Variants in USH2A observed in about 807,000 individuals in gnomAD.
USH2A encodes the protein Usher syndrome 2A (autosomal recessive, mild).
USH2A carries 443 observed loss-of-function variants against 538.9 expected under a neutral mutation model. The observed-to-expected ratio is 0.82, with a 90% CI of 0.76 to 0.89. USH2A has a LOEUF of 0.89. Among genes scored for constraint, USH2A ranks in the 40% least tolerant of loss-of-function variants. The pLI, the probability that USH2A is intolerant of heterozygous loss-of-function variation, is 0.00. For missense variants in USH2A, 6,633 were observed against 6,324.8 expected (o/e 1.05, Z -1.65); for synonymous variants, 2,413 against 2,273.5 (o/e 1.06, Z -1.75).
intron 11 of USH2A, among the ~76,000 whole-genome samples, chr1:216,283,011 G>A (rs746675083): frequency 1.9e-4 from 29 of 152,086 alleles, no homozygotes; most frequent in Non-Finnish European, 3.2e-4. Flanking sequence ...AGATTGTTCA[G>A]TGCAAATATA....
chr1:216,312,705 C>T (rs770955373), intron 9 of USH2A, among the ~76,000 whole-genome samples: 43 of 152,106 alleles, frequency 2.8e-4, no homozygotes, highest in Admixed American at 5.2e-4. Flanking sequence ...CTACTTTTTC[C>T]ATTAGAGCCT....
At chr1:215,790,399 A>G (rs1241181091) in intron 50 of USH2A, 117 bp from the exon 51 acceptor site, 8 of 1,076,874 alleles carry the variant, frequency 7.4e-6, no homozygotes. Flanking sequence ...ATGGTGCAAT[A>G]CCTAAGGTAG....
chr1:215,759,614 T>G, intron 57 of USH2A, 46 bp downstream of exon 57: 1 of 1,610,082 alleles, frequency 6.2e-7, no homozygotes, highest in Non-Finnish European at 8.5e-7. Flanking sequence ...CCCAGAGAAA[T>G]GTACAAATCC....
intron 2 of USH2A, 67 bp from the exon 3 acceptor site, chr1:216,418,746 T>C: frequency 6.3e-7 from 1 of 1,580,922 alleles, no homozygotes; most frequent in Non-Finnish European, 8.7e-7. Flanking sequence ...TAAGGTATTG[T>C]GCAGTTACAG....
At chr1:215,862,572 A>T (rs1158464398) in intron 44 of USH2A, among the ~76,000 whole-genome samples, 7 of 152,170 alleles carry the variant, frequency 4.6e-5, no homozygotes, top group Non-Finnish European at 1.5e-5. Context: ...ATAATAATAA[A>T]AAAAATGCTT....
chr1:215,948,724 C>T (rs534675705), intron 37 of USH2A, among the ~76,000 whole-genome samples: 128 of 151,966 alleles, frequency 8.4e-4, no homozygotes, highest in African/African-American at 1.5e-3. Context: ...TTCCTGTGCA[C>T]CTATCTAATT....
intron 41 of USH2A, among the ~76,000 whole-genome samples, chr1:215,885,025 CT>C (rs1310935373): frequency 1.3e-5 from 2 of 149,208 alleles, no homozygotes; most frequent in East Asian, 2.0e-4. Flanking sequence ...TTTTTTTTTT[CT>C]TTTTTTTGGT....
At chr1:215,754,762 C>T (rs559979818) in intron 58 of USH2A, among the ~76,000 whole-genome samples, 1 of 152,292 alleles carries the variant, frequency 6.6e-6, no homozygotes, top group East Asian at 1.9e-4. Flanking sequence ...GTTGGATAAG[C>T]TTGCTTTAGA....
intron 4 of USH2A, among the ~76,000 whole-genome samples, chr1:216,357,445 A>G (rs2102699148): frequency 6.6e-6 from 1 of 152,236 alleles, no homozygotes; most frequent in African/African-American, 2.4e-5. Context: ...AGAAATGTGA[A>G]CCCATGGGAA....
rs1024719624 is a variant in USH2A at position 215,901,091 on chromosome 1, A to G, written c.7301-186T>C. 14 of 727,846 alleles carry G rather than the reference A, an allele frequency of 1.9e-5. No individual in the cohort carries two copies. The East Asian group carries it at 3.3e-4, about 17-fold the overall frequency. 45.1% of individuals were successfully genotyped at this position (727,846 alleles called of 1,614,324 possible). On this transcript the variant is annotated intron_variant, in intron 38 of 71. Coordinates refer to ENST00000307340, the MANE Select transcript of USH2A (RefSeq NM_206933.4). The stretch of plus-strand genomic sequence containing the variant: ...ACTTCCTTATTGTTCATTTCAACAC[A>G]ATTACATTAGTATTTCAGTCTTAAA...
At chr1:216,138,951 T>C (rs1197429371) in intron 21 of USH2A, among the ~76,000 whole-genome samples, 1 of 152,044 alleles carries the variant, frequency 6.6e-6, no homozygotes, top group Non-Finnish European at 1.5e-5. Flanking sequence ...TGTATATATA[T>C]GTGTGTGTAT....
chr1:215,893,324 T>C (rs146584903), intron 40 of USH2A, among the ~76,000 whole-genome samples: 262 of 152,310 alleles, frequency 1.7e-3, no homozygotes, highest in African/African-American at 6.1e-3. Context: ...AGTTTTTAGA[T>C]ACTTGACTCT....
At chr1:216,324,587 C>T (rs2102654688) in intron 6 of USH2A, among the ~76,000 whole-genome samples, 1 of 152,136 alleles carries the variant, frequency 6.6e-6, no homozygotes, top group Non-Finnish European at 1.5e-5. Context: ...CAAATAAAGA[C>T]ATAAACAAAG....
At chr1:216,252,216 T>C (rs2036176164) in intron 11 of USH2A, among the ~76,000 whole-genome samples, 1 of 152,218 alleles carries the variant, frequency 6.6e-6, no homozygotes, top group Non-Finnish European at 1.5e-5. Context: ...TCTTCATAAG[T>C]GGACATATGT....
intron 20 of USH2A, among the ~76,000 whole-genome samples, chr1:216,184,176 G>A (rs1303459838): frequency 1.3e-5 from 2 of 151,952 alleles, no homozygotes; most frequent in Admixed American, 1.3e-4. Context: ...ATTGTAAAAT[G>A]GTGCCTTTAT....
At chr1:216,040,929 T>C (rs372780765) in intron 32 of USH2A, among the ~76,000 whole-genome samples, 1 of 152,006 alleles carries the variant, frequency 6.6e-6, no homozygotes, top group South Asian at 2.1e-4. Flanking sequence ...GAAAAATTAA[T>C]TGAACCTATA....
intron 62 of USH2A, among the ~76,000 whole-genome samples, chr1:215,676,347 C>T (rs764617056): frequency 6.6e-6 from 1 of 152,074 alleles, no homozygotes; most frequent in African/African-American, 2.4e-5. Flanking sequence ...AAATGTAGAG[C>T]AAGTTTTCAT....
At chr1:215,691,785 A>G (rs1658620754) in intron 61 of USH2A, among the ~76,000 whole-genome samples, 2 of 152,176 alleles carry the variant, frequency 1.3e-5, no homozygotes, top group Admixed American at 1.3e-4. Context: ...GTTCAAAAGT[A>G]TTTGTATTAT....
chr1:215,770,550 C>G (rs1661248090), intron 55 of USH2A, among the ~76,000 whole-genome samples: 1 of 152,026 alleles, frequency 6.6e-6, no homozygotes, highest in Admixed American at 6.6e-5. Context: ...TCATTGGACT[C>G]TATACATTAT....
Sources: allele counts gnomAD v4.1 joint callset (sites outside exome capture counted in the v4.1 genomes callset), GRCh38; gene constraint gnomAD v4.1.1; transcripts MANE v1.5; gene names NCBI Gene and HGNC (gene_info 2026-07-23, HGNC 2026-07-21).